Variants in NCKAP5 observed in about 807,000 individuals in gnomAD.
The protein encoded by NCKAP5 is nck-associated protein 5.
In NCKAP5, 92 loss-of-function variants were observed where a neutral mutation model predicts 167.0. That is an observed-to-expected ratio of 0.55 (90% CI 0.47 to 0.66). NCKAP5 has a LOEUF of 0.66. Among genes scored for constraint, NCKAP5 ranks in the 30% least tolerant of loss-of-function variants. NCKAP5 has a pLI of 0.00. For missense variants in NCKAP5, 2,378 were observed against 2,315.0 expected (o/e 1.03, Z -0.56); for synonymous variants, 891 against 877.4 (o/e 1.02, Z -0.27).
At chr2:133,415,646 G>A (rs906178240) in intron 3 of NCKAP5, among the ~76,000 whole-genome samples, 32 of 152,310 alleles carry the variant, frequency 2.1e-4, no homozygotes, top group African/African-American at 3.6e-4. Context: ...GCTGCAGAAC[G>A]TGCAAATAAT....
At chr2:133,612,449 T>A in the NCKAP5 span, among the ~76,000 whole-genome samples, 1 of 152,210 alleles carries the variant, frequency 6.6e-6, no homozygotes, top group Non-Finnish European at 1.5e-5. Context: ...TGTGTTTTAC[T>A]AGAGCACTTT....
intron 3 of NCKAP5, among the ~76,000 whole-genome samples, chr2:133,364,179 A>C (rs1488881527): frequency 1.3e-5 from 2 of 152,308 alleles, no homozygotes; most frequent in African/African-American, 4.8e-5. Context: ...GCATCTGGTA[A>C]GTGGCAGAGC....
At chr2:133,565,344 C>T (rs745868053) in intron 1 of NCKAP5, among the ~76,000 whole-genome samples, 1 of 152,230 alleles carries the variant, frequency 6.6e-6, no homozygotes, top group Non-Finnish European at 1.5e-5. Context: ...AGCTAATACT[C>T]ATTAGCACTT....
chr2:132,985,596 A>C (rs1456526488), intron 7 of NCKAP5, among the ~76,000 whole-genome samples: 2 of 152,206 alleles, frequency 1.3e-5, no homozygotes, highest in African/African-American at 4.8e-5. Flanking sequence ...GAATCTAAGC[A>C]CACACTTTGG....
At chr2:133,334,530 A>G (rs954177457) in intron 3 of NCKAP5, among the ~76,000 whole-genome samples, 2 of 152,192 alleles carry the variant, frequency 1.3e-5, no homozygotes, top group Admixed American at 6.5e-5. Context: ...GGCCATTGGC[A>G]AAGTGGAGAT....
chr2:133,402,479 G>T (rs891328061), intron 3 of NCKAP5, among the ~76,000 whole-genome samples: 3 of 152,160 alleles, frequency 2.0e-5, no homozygotes, highest in South Asian at 2.1e-4. Flanking sequence ...AAGCTCTTTG[G>T]TAGCTGATAG....
chr2:133,129,968 A>G lies in NCKAP5; in HGVS notation c.341+10T>C. ...CCTCAGGAAGCAATCTGCTCAGCTA[A>G]GAACAATACCTGGAGAACTGCTGCT... On this transcript the variant is annotated intron_variant, in intron 6 of 19. Transcript: ENST00000409261. 6.3e-7 allele frequency: 1 copy of G among 1,597,820 alleles called. No homozygotes were observed. The highest frequency in any genetic ancestry group is 8.5e-7 in the Non-Finnish European group (1 of 1,174,580).
chr2:133,015,481 C>A (rs1352418009), intron 6 of NCKAP5, among the ~76,000 whole-genome samples: 1 of 152,120 alleles, frequency 6.6e-6, no homozygotes, highest in African/African-American at 2.4e-5. Context: ...ACAAAGCCTT[C>A]CTTGATCACA....
At chr2:133,475,703 T>C (rs1161243079) in intron 3 of NCKAP5, among the ~76,000 whole-genome samples, 2 of 152,198 alleles carry the variant, frequency 1.3e-5, no homozygotes, top group East Asian at 3.8e-4. Flanking sequence ...TCCACAGATG[T>C]ACAGAAAAAT....
chr2:132,849,865 T>G (rs1310218187), intron 11 of NCKAP5, among the ~76,000 whole-genome samples: 1 of 152,206 alleles, frequency 6.6e-6, no homozygotes. Flanking sequence ...ACATTTCTCA[T>G]GCCAAGCTCT....
chr2:133,616,659 A>G, the NCKAP5 span, among the ~76,000 whole-genome samples: 1 of 152,180 alleles, frequency 6.6e-6, no homozygotes, highest in African/African-American at 2.4e-5. Context: ...GGCAATAATC[A>G]ATAGCTTACC....
chr2:133,492,522 G>A (rs1017368), intron 3 of NCKAP5, among the ~76,000 whole-genome samples: 68,455 of 151,874 alleles, frequency 0.45, 15,576 homozygotes, highest in African/African-American at 0.51. Context: ...TCCAAAAATC[G>A]CTGGATCTGG....
intron 19 of NCKAP5, among the ~76,000 whole-genome samples, chr2:132,675,085 CA>C (rs372272774): frequency 8.7e-4 from 133 of 152,322 alleles, no homozygotes; most frequent in Middle Eastern, 3.4e-3. Context: ...TTAAGAACCA[CA>C]AGTATTTTTC....
In NCKAP5 at chr2:132,978,427, G is replaced by A. The variant is rs142977402; in HGVS notation, c.430-14558C>T. Among the ~76,000 whole-genome samples the A allele has an allele frequency of 1.1e-4, 16 of 152,314 alleles. No homozygotes were observed. The East Asian group carries it at 2.5e-3, about 24-fold the overall frequency. Reference sequence around the variant, plus strand: ...GATGCTGGTTCCAGGTCTGCCACTCGTAGGTGGTATGACTTTGGTAAAGCT... The same window carrying A: ...GATGCTGGTTCCAGGTCTGCCACTCATAGGTGGTATGACTTTGGTAAAGCT... On this transcript the variant is annotated intron_variant, in intron 7 of 19. Coordinates refer to ENST00000409261, the MANE Select transcript of NCKAP5 (RefSeq NM_207363.3).
At chr2:133,351,853 C>T (rs1464594409) in intron 3 of NCKAP5, among the ~76,000 whole-genome samples, 3 of 152,190 alleles carry the variant, frequency 2.0e-5, no homozygotes, top group Non-Finnish European at 4.4e-5. Context: ...ATAATCACCA[C>T]CTCCAACTGC....
intron 5 of NCKAP5, among the ~76,000 whole-genome samples, chr2:133,177,846 A>C (rs1235211290): frequency 6.6e-6 from 1 of 152,152 alleles, no homozygotes; most frequent in African/African-American, 2.4e-5. Flanking sequence ...GCAGTAATGA[A>C]GCATCAGCCC....
chr2:132,900,264 TG>T (rs1420530932), intron 8 of NCKAP5, among the ~76,000 whole-genome samples: 4 of 152,204 alleles, frequency 2.6e-5, no homozygotes, highest in Non-Finnish European at 5.9e-5. Flanking sequence ...CACATGCTAT[TG>T]GAAAAATGGT....
At chr2:133,524,674 GA>G (rs1284925184) in intron 2 of NCKAP5, among the ~76,000 whole-genome samples, 1 of 152,120 alleles carries the variant, frequency 6.6e-6, no homozygotes, top group Non-Finnish European at 1.5e-5. Flanking sequence ...CTACCAAATA[GA>G]ATGTTTGAAA....
At chr2:132,918,483 AT>A (rs58110266) in intron 8 of NCKAP5, among the ~76,000 whole-genome samples, 5,158 of 151,476 alleles carry the variant, frequency 0.034, 300 homozygotes, top group African/African-American at 0.12. Flanking sequence ...ATATTTTGTA[AT>A]TTTTTTTTAT....
Sources: allele counts gnomAD v4.1 joint callset (sites outside exome capture counted in the v4.1 genomes callset), GRCh38; gene constraint gnomAD v4.1.1; transcripts MANE v1.5; gene names NCBI Gene and HGNC (gene_info 2026-07-23, HGNC 2026-07-21).